PTPRD: variants seen among roughly 807,000 people sequenced by gnomAD.
The protein encoded by PTPRD is receptor-type tyrosine-protein phosphatase delta.
In PTPRD, 34 loss-of-function variants were observed where a neutral mutation model predicts 214.5. That is an observed-to-expected ratio of 0.16 (90% CI 0.12 to 0.21). The LOEUF (loss-of-function observed/expected upper bound fraction) is 0.21, where lower values mean the gene tolerates loss of function less well. PTPRD is among the 10% of genes least tolerant of loss of function. The pLI is 1.00. For missense variants in PTPRD, 2,545 were observed against 2,398.7 expected, an observed-to-expected ratio of 1.06 and a Z score of -1.27; for synonymous variants, 1,128 against 845.7, an observed-to-expected ratio of 1.33 and a Z score of -5.79.
chr9:10,522,484 T>C (rs2052677162), intron 2 of PTPRD, among the ~76,000 whole-genome samples: 2 of 152,136 alleles, frequency 1.3e-5, no homozygotes, highest in Non-Finnish European at 2.9e-5. Flanking sequence ...TTGAACTTTC[T>C]AAAGGAATAA....
chr9:8,550,771 C>T (rs1449635131), intron 14 of PTPRD, among the ~76,000 whole-genome samples: 2 of 152,224 alleles, frequency 1.3e-5, no homozygotes, highest in African/African-American at 4.8e-5. Flanking sequence ...ACAGCTTTAA[C>T]TATGAGAACT....
At chr9:8,356,094 C>T (rs573883685) in intron 39 of PTPRD, among the ~76,000 whole-genome samples, 80 of 152,180 alleles carry the variant, frequency 5.3e-4, no homozygotes, top group Non-Finnish European at 5.1e-4. Context: ...CTTTCAAAAA[C>T]GCAAAGTTTG....
chr9:9,575,717 C>CAAAAAAAAAA (rs757614546), intron 7 of PTPRD, among the ~76,000 whole-genome samples: 26 of 33,312 alleles, frequency 7.8e-4, no homozygotes, highest in Non-Finnish European at 8.9e-4. Context: ...AAGACTGTCT[C>CAAAAAAAAAA]AAAAAAAAAA....
intron 11 of PTPRD, among the ~76,000 whole-genome samples, chr9:8,873,735 G>T (rs2098341023): frequency 6.6e-6 from 1 of 152,062 alleles, no homozygotes; most frequent in Non-Finnish European, 1.5e-5. Flanking sequence ...GAAAGCATTG[G>T]GGGACTAGGT....
At chr9:8,867,675 A>G (rs968947580) in intron 11 of PTPRD, among the ~76,000 whole-genome samples, 2 of 152,248 alleles carry the variant, frequency 1.3e-5, no homozygotes, top group African/African-American at 4.8e-5. Context: ...AAATGCTGAA[A>G]GCAATAATAT....
intron 5 of PTPRD, among the ~76,000 whole-genome samples, chr9:9,926,655 T>C (rs533486464): frequency 2.6e-5 from 4 of 152,268 alleles, no homozygotes; most frequent in African/African-American, 4.8e-5. Context: ...ATATGACTTA[T>C]TGTTGACAAA....
chr9:8,343,900 C>T (rs992812166), intron 39 of PTPRD, among the ~76,000 whole-genome samples: 10 of 152,012 alleles, frequency 6.6e-5, no homozygotes, highest in African/African-American at 2.2e-4. Flanking sequence ...CTCTTCAGAC[C>T]ATGCAAAATC....
chr9:8,866,983 T>A (rs764817122), intron 11 of PTPRD, among the ~76,000 whole-genome samples: 1 of 151,956 alleles, frequency 6.6e-6, no homozygotes, highest in Non-Finnish European at 1.5e-5. Context: ...GTAGATGGAG[T>A]TAGTGGGAAT....
At chr9:9,210,889 G>C (rs1273874699) in intron 9 of PTPRD, among the ~76,000 whole-genome samples, 6 of 151,048 alleles carry the variant, frequency 4.0e-5, no homozygotes, top group Non-Finnish European at 5.9e-5. Flanking sequence ...TAGAAACCAG[G>C]CTTTTAAAAA....
At chr9:9,750,697 A>T (rs1407881770) in intron 6 of PTPRD, among the ~76,000 whole-genome samples, 1 of 152,170 alleles carries the variant, frequency 6.6e-6, no homozygotes, top group Non-Finnish European at 1.5e-5. Context: ...AATCTTAAAT[A>T]AGTGAAACAT....
At chr9:9,314,624 C>T (rs1319389678) in intron 9 of PTPRD, among the ~76,000 whole-genome samples, 1 of 151,918 alleles carries the variant, frequency 6.6e-6, no homozygotes, top group Admixed American at 6.6e-5. Context: ...TAGTGTTTTG[C>T]TTATGGTAGG....
chr9:10,339,459 G>A (rs1051866474), intron 3 of PTPRD, among the ~76,000 whole-genome samples: 1 of 151,702 alleles, frequency 6.6e-6, no homozygotes, highest in South Asian at 2.1e-4. Context: ...AGCACAAAAA[G>A]CATTTTCACT....
chr9:9,855,352 G>C (rs1278383141), intron 5 of PTPRD, among the ~76,000 whole-genome samples: 1 of 152,158 alleles, frequency 6.6e-6, no homozygotes, highest in East Asian at 1.9e-4. Flanking sequence ...CAGGAACGCT[G>C]AGTAAAACAA....
intron 3 of PTPRD, among the ~76,000 whole-genome samples, chr9:10,217,086 T>A (rs1427331195): frequency 6.6e-6 from 1 of 152,022 alleles, no homozygotes; most frequent in Non-Finnish European, 1.5e-5. Context: ...TTGACTCTTC[T>A]GTTCCTTATT....
intron 3 of PTPRD, among the ~76,000 whole-genome samples, chr9:10,212,257 G>T (rs1200486092): frequency 6.6e-6 from 1 of 151,912 alleles, no homozygotes; most frequent in African/African-American, 2.4e-5. Context: ...AGAGTAGGAT[G>T]GAAGAAGGAG....
At chr9:8,331,858 G>GAACATGTTTAAATAGAA in intron 43 of PTPRD, 122 bp from the exon 44 acceptor site, 1 of 1,201,276 alleles carries the variant, frequency 8.3e-7, no homozygotes, top group Admixed American at 3.1e-5. Flanking sequence ...AAAAAGTTAG[G>GAACATGTTTAAATAGAA]AACATGTTTA....
chr9:8,954,274 A>C (rs1290261937), intron 11 of PTPRD, among the ~76,000 whole-genome samples: 2 of 151,982 alleles, frequency 1.3e-5, no homozygotes, highest in African/African-American at 4.8e-5. Context: ...GTTCTCACTT[A>C]TAGGTGGGAG....
rs72702839 is a variant in PTPRD at position 10,574,214 on chromosome 9, C to T, written c.-600+38184G>A. ...AATGATAGATGTGTGTGTGTGTGTG[C>T]GTGCATGTGTGTGTATTGTTTTAAG... is the stretch of plus-strand genomic sequence containing the variant. On this transcript the variant is annotated intron_variant, in intron 2 of 45. Transcript: ENST00000381196. Among the ~76,000 whole-genome samples the T allele has an allele frequency of 7.7e-4, 93 of 120,994 alleles. 1 individual carries two copies. In the South Asian group the frequency reaches 0.024, roughly 32 times the overall value. The allele number at this position is 120,994 out of a possible 152,430, so 79.4% of individuals were successfully genotyped here.
chr9:9,609,818 G>T (rs1201500513), intron 7 of PTPRD, among the ~76,000 whole-genome samples: 1 of 152,132 alleles, frequency 6.6e-6, no homozygotes, highest in Non-Finnish European at 1.5e-5. Flanking sequence ...AATCCTGTTA[G>T]GCTGGTGGGT....
Sources: allele counts gnomAD v4.1 joint callset (sites outside exome capture counted in the v4.1 genomes callset), GRCh38; gene constraint gnomAD v4.1.1; transcripts MANE v1.5; gene names NCBI Gene and HGNC (gene_info 2026-07-23, HGNC 2026-07-21).